Variants in CDH13 observed in about 807,000 individuals in gnomAD.
The protein encoded by CDH13 is cadherin 13.
A neutral mutation model predicts 63.8 loss-of-function variants in CDH13; 24 were observed. The observed-to-expected ratio is 0.38, with a 90% CI of 0.27 to 0.53. The LOEUF is 0.53. Among genes scored for constraint, CDH13 ranks in the 20% least tolerant of loss-of-function variants. CDH13 has a pLI of 0.85. For missense variants in CDH13, 1,049 were observed against 903.1 expected (o/e 1.16, Z -2.07); for synonymous variants, 503 against 355.3 (o/e 1.42, Z -4.67).
rs563956321 is a variant in CDH13, at chr16:83,368,950, T to A, written c.781+23944T>A. On this transcript the variant is annotated intron_variant, in intron 6 of 13. Transcript: ENST00000567109. ...TATATATATATATACTAGGTTTTTT[T>A]AATCTGTTCATTGATTGATGGGCAC... 2.2e-4 allele frequency among the ~76,000 whole-genome samples: 29 copies of A among 130,018 alleles called. 1 individual carries two copies. In the South Asian group the frequency reaches 7.4e-3, roughly 33 times the overall value. 85.3% of individuals were successfully genotyped at this position (130,018 alleles called of 152,430 possible).
intron 3 of CDH13, among the ~76,000 whole-genome samples, chr16:83,062,261 A>G (rs1209752533): frequency 6.6e-6 from 1 of 152,212 alleles, no homozygotes; most frequent in Non-Finnish European, 1.5e-5. Context: ...TCAGTTTTCT[A>G]TCACAGTACC....
intron 1 of CDH13, among the ~76,000 whole-genome samples, chr16:82,660,457 A>G (rs898359729): frequency 6.6e-5 from 10 of 152,152 alleles, no homozygotes; most frequent in African/African-American, 2.2e-4. Flanking sequence ...GGGAAACCCA[A>G]GAGGGAGCAC....
intron 5 of CDH13, among the ~76,000 whole-genome samples, chr16:83,261,443 A>G (rs993705551): frequency 6.6e-6 from 1 of 152,132 alleles, no homozygotes; most frequent in African/African-American, 2.4e-5. Context: ...GGCATCTGGT[A>G]GGTAAGAACA....
chr16:83,730,840 A>T (rs1188024759), intron 10 of CDH13, among the ~76,000 whole-genome samples: 1 of 152,150 alleles, frequency 6.6e-6, no homozygotes, highest in Admixed American at 6.5e-5. Flanking sequence ...GTAGTCCCCA[A>T]TGTCTATTGC....
chr16:83,755,019 C>T (rs1014993957), intron 11 of CDH13, among the ~76,000 whole-genome samples: 1 of 152,004 alleles, frequency 6.6e-6, no homozygotes, highest in Non-Finnish European at 1.5e-5. Context: ...AGAGAAAAAT[C>T]AGACTACAGA....
At chr16:83,718,135 C>T (rs995477440) in intron 10 of CDH13, among the ~76,000 whole-genome samples, 3 of 152,152 alleles carry the variant, frequency 2.0e-5, no homozygotes, top group Non-Finnish European at 1.5e-5. Context: ...CCATAAAATA[C>T]CAGCGGGAGA....
At chr16:83,353,921 C>T (rs2091006882) in intron 6 of CDH13, among the ~76,000 whole-genome samples, 1 of 152,152 alleles carries the variant, frequency 6.6e-6, no homozygotes, top group Non-Finnish European at 1.5e-5. Context: ...AGTCATCCTT[C>T]CATCACTCTA....
intron 7 of CDH13, among the ~76,000 whole-genome samples, chr16:83,562,653 C>T (rs935492086): frequency 6.6e-6 from 1 of 152,128 alleles, no homozygotes; most frequent in African/African-American, 2.4e-5. Context: ...ACCTTCATGC[C>T]ACATAGGTTT....
chr16:83,462,023 G>T (rs886551611), intron 6 of CDH13, among the ~76,000 whole-genome samples: 1 of 152,194 alleles, frequency 6.6e-6, no homozygotes, highest in African/African-American at 2.4e-5. Context: ...CTTCCACTTC[G>T]TGGCTCTCAT....
intron 2 of CDH13, among the ~76,000 whole-genome samples, chr16:82,934,149 GC>G (rs2042591367): frequency 6.6e-6 from 1 of 152,236 alleles, no homozygotes; most frequent in Admixed American, 6.5e-5. Flanking sequence ...TGAGGGCTCT[GC>G]CCCTGCAGCA....
Position 83,138,417 on chromosome 16 carries a change from G to A in CDH13, c.483+12916G>A, listed in dbSNP as rs560450015. 7.7e-4 allele frequency among the ~76,000 whole-genome samples: 117 copies of A among 152,088 alleles called. 1 individual carries two copies. Among genetic ancestry groups the A allele is most frequent in the Non-Finnish European group, 1.3e-3 (87 of 68,030 alleles). Reference sequence around the variant, plus strand: ...AGGCAGAAGAAGTAATTCCGAAGAGGACTCCTGAAGGACGCCTAAGAGCAG... The same window carrying A: ...AGGCAGAAGAAGTAATTCCGAAGAGAACTCCTGAAGGACGCCTAAGAGCAG... On this transcript the variant is annotated intron_variant, in intron 4 of 13. Coordinates refer to ENST00000567109, the MANE Select transcript of CDH13 (RefSeq NM_001257.5).
intron 6 of CDH13, among the ~76,000 whole-genome samples, chr16:83,406,419 C>A (rs554989945): frequency 9.3e-4 from 139 of 149,112 alleles, no homozygotes; most frequent in African/African-American, 3.0e-3. Flanking sequence ...TCTTTCTTTC[C>A]CCCCCCGCCT....
intron 5 of CDH13, among the ~76,000 whole-genome samples, chr16:83,274,843 T>A (rs769208689): frequency 6.6e-6 from 1 of 152,110 alleles, no homozygotes; most frequent in Non-Finnish European, 1.5e-5. Context: ...GCTCCCAGGA[T>A]GAATTTTGAT....
chr16:83,718,820 A>G (rs952221131), intron 10 of CDH13, among the ~76,000 whole-genome samples: 2 of 152,088 alleles, frequency 1.3e-5, no homozygotes, highest in African/African-American at 4.8e-5. Context: ...GGAATTTTCT[A>G]TTCTTCTATG....
intron 4 of CDH13, among the ~76,000 whole-genome samples, chr16:83,140,439 T>G (rs1304982103): frequency 6.6e-6 from 1 of 152,152 alleles, no homozygotes; most frequent in Non-Finnish European, 1.5e-5. Flanking sequence ...TCTGTTCACT[T>G]TCTCATCTGA....
intron 6 of CDH13, among the ~76,000 whole-genome samples, chr16:83,455,110 T>A (rs2072986717): frequency 6.6e-6 from 1 of 152,222 alleles, no homozygotes; most frequent in East Asian, 1.9e-4. Context: ...AAATTGATGC[T>A]CAGAGAGATT....
chr16:83,751,269 G>A (rs377585597), intron 11 of CDH13, among the ~76,000 whole-genome samples: 2 of 152,264 alleles, frequency 1.3e-5, no homozygotes, highest in East Asian at 3.9e-4. Context: ...CCTTGAAAAT[G>A]TCACTCACTT....
intron 8 of CDH13, among the ~76,000 whole-genome samples, chr16:83,636,072 C>T (rs1354457159): frequency 6.7e-6 from 1 of 149,200 alleles, no homozygotes; most frequent in Non-Finnish European, 1.5e-5. Flanking sequence ...ATCCTTCTTC[C>T]ATTGAATTGC....
At chr16:83,788,014 T>C (rs536710872) in intron 13 of CDH13, among the ~76,000 whole-genome samples, 1 of 152,196 alleles carries the variant, frequency 6.6e-6, no homozygotes, top group Non-Finnish European at 1.5e-5. Flanking sequence ...GTACTTCCTA[T>C]GTGATTGCAA....
Sources: gnomAD v4.1 joint callset for allele counts (sites outside exome capture counted in the v4.1 genomes callset) on GRCh38, gnomAD v4.1.1 for gene constraint, MANE v1.5 for transcripts, NCBI Gene and HGNC (gene_info 2026-07-23, HGNC 2026-07-21) for gene names.